The following SLC4A10 variants were observed in gnomAD, a reference collection of about 807,000 sequenced individuals.
SLC4A10 encodes the protein solute carrier family 4 member 10.
In SLC4A10, 42 loss-of-function variants were observed where a neutral mutation model predicts 137.7. The ratio of observed to expected loss-of-function variants is 0.30; its 90% confidence interval spans 0.24 to 0.39. SLC4A10 has a LOEUF of 0.39. Ranked by LOEUF, SLC4A10 falls within the 10% of genes least tolerant of loss-of-function variation. SLC4A10 has a pLI of 1.00. For synonymous variants in SLC4A10, 474 were observed against 464.1 expected, an observed-to-expected ratio of 1.02 and a Z score of -0.27; for missense variants, 925 against 1,355.0, an observed-to-expected ratio of 0.68 and a Z score of 4.98.
chr2:161,904,696 T>C, intron 13 of SLC4A10, 80 bp from the exon 14 acceptor site: 3 of 1,527,862 alleles, frequency 2.0e-6, no homozygotes, highest in Non-Finnish European at 2.7e-6. Flanking sequence ...CACATATCCA[T>C]GTATTTTAAA....
chr2:161,899,216 T>A (rs2063838947), intron 11 of SLC4A10, among the ~76,000 whole-genome samples: 1 of 152,096 alleles, frequency 6.6e-6, no homozygotes, highest in Admixed American at 6.6e-5. Flanking sequence ...TATCATCAAA[T>A]CTTTTTTTCT....
At chr2:161,871,130 G>T (rs551521880) in intron 6 of SLC4A10, among the ~76,000 whole-genome samples, 5 of 151,848 alleles carry the variant, frequency 3.3e-5, no homozygotes, top group African/African-American at 7.2e-5. Context: ...TTTCAGGAGA[G>T]AATTTAAGGG....
intron 1 of SLC4A10, among the ~76,000 whole-genome samples, chr2:161,761,723 A>T (rs2125362828): frequency 6.6e-6 from 1 of 152,230 alleles, no homozygotes; most frequent in East Asian, 1.9e-4. Flanking sequence ...AGGTCACAGC[A>T]ACCGTCAGAA....
At chr2:161,852,926 C>A (rs1189387848) in intron 4 of SLC4A10, among the ~76,000 whole-genome samples, 1 of 152,028 alleles carries the variant, frequency 6.6e-6, no homozygotes, top group Non-Finnish European at 1.5e-5. Context: ...GGTGGTTTAG[C>A]TGTATAGAAA....
At position 161,949,205 on chromosome 2, in the gene SLC4A10, A is replaced by C. The variant is rs770661028; in HGVS notation, c.2323A>C (p.Ile775Leu). Residue 775 changes from isoleucine (I) to leucine (L), a missense_variant, in exon 18 of 27, where the codon ATT (isoleucine) becomes CTT (leucine). Transcript: ENST00000446997. ...VFLTILCMVLIDYAIGIPSPK... is the reference protein window; with the variant it reads ...VFLTILCMVLLDYAIGIPSPK... ...TCTTACAATTCTGTGTATGGTTTTAATTGACTATGCCATTGGGATCCCATC... is the reference window on the plus strand; with the variant it reads ...TCTTACAATTCTGTGTATGGTTTTACTTGACTATGCCATTGGGATCCCATC... The C allele has an allele frequency of 1.2e-6, 2 of 1,611,672 alleles. No individual in the cohort carries two copies. Among genetic ancestry groups the C allele is most frequent in the Non-Finnish European group, 1.7e-6 (2 of 1,178,516 alleles).
chr2:161,946,842 T>C (rs1401985916), intron 16 of SLC4A10, among the ~76,000 whole-genome samples: 1 of 152,110 alleles, frequency 6.6e-6, no homozygotes, highest in African/African-American at 2.4e-5. Context: ...CTTGCTCATG[T>C]AGTAATTTTA....
rs146358085 is a variant in SLC4A10, at chr2:161,737,583, T to C, written c.49-33390T>C. ...CTTTTTAGAAGCTTTTCTACATCAA[T>C]AGGCATTCCTTCATGGGCCTAATTC... On this transcript the variant is annotated intron_variant, in intron 1 of 26. Coordinates refer to ENST00000446997, the MANE Select transcript of SLC4A10 (RefSeq NM_001178015.2). 1.1e-3 allele frequency among the ~76,000 whole-genome samples: 165 copies of C among 152,248 alleles called. 3 individuals carry two copies. The East Asian group carries it at 0.024, about 22-fold the overall frequency.
intron 15 of SLC4A10, among the ~76,000 whole-genome samples, chr2:161,922,698 A>G (rs917055644): frequency 6.6e-6 from 1 of 152,164 alleles, no homozygotes; most frequent in South Asian, 2.1e-4. Flanking sequence ...ACTATGAGAG[A>G]TACCTTTTTC....
chr2:161,629,037 T>G (rs754286837), intron 1 of SLC4A10, among the ~76,000 whole-genome samples: 1 of 151,920 alleles, frequency 6.6e-6, no homozygotes, highest in Non-Finnish European at 1.5e-5. Flanking sequence ...AAGTCTAAAC[T>G]GGGCATGAAT....
At chr2:161,887,547 T>C (rs1265752061) in intron 10 of SLC4A10, among the ~76,000 whole-genome samples, 1 of 152,218 alleles carries the variant, frequency 6.6e-6, no homozygotes, top group African/African-American at 2.4e-5. Context: ...GATTTGCATT[T>C]CTCTAATGAC....
At chr2:161,932,118 A>G (rs900453093) in intron 15 of SLC4A10, among the ~76,000 whole-genome samples, 1 of 152,160 alleles carries the variant, frequency 6.6e-6, no homozygotes, top group African/African-American at 2.4e-5. Context: ...TTTCTGAGAT[A>G]AAGTAACAGA....
At chr2:161,933,247 CTTTCTTCT>C (rs1477725103) in intron 15 of SLC4A10, among the ~76,000 whole-genome samples, 2 of 95,232 alleles carry the variant, frequency 2.1e-5, no homozygotes, top group African/African-American at 4.0e-5. Flanking sequence ...TTCTTTCTTT[CTTTCTTCT>C]TTCTTTCTCC....
intron 1 of SLC4A10, among the ~76,000 whole-genome samples, chr2:161,723,511 G>A (rs373632977): frequency 6.6e-6 from 1 of 152,110 alleles, no homozygotes; most frequent in South Asian, 2.1e-4. Context: ...AATAATATAC[G>A]CACAGTTCCT....
intron 10 of SLC4A10, among the ~76,000 whole-genome samples, chr2:161,889,919 G>A (rs1040439560): frequency 3.3e-5 from 5 of 152,126 alleles, no homozygotes. Flanking sequence ...TCTTCTGTGG[G>A]CATTTAGTGC....
chr2:161,923,226 G>A lies in SLC4A10; in HGVS notation c.1997+17339G>A, dbSNP rs1249362443. ...TAGAGCACTTGCTTTTCTGTGGGCA[G>A]TAAAGGGTACTAAAAGATGTATTTT... On this transcript the variant is annotated intron_variant, in intron 15 of 26. Coordinates refer to ENST00000446997, the MANE Select transcript of SLC4A10 (RefSeq NM_001178015.2). Among the ~76,000 whole-genome samples, 5 of 152,268 alleles carry A rather than the reference G, an allele frequency of 3.3e-5. No homozygotes were observed. The East Asian group carries it at 9.7e-4, about 29-fold the overall frequency.
chr2:161,808,617 G>A (rs956180974), intron 3 of SLC4A10, among the ~76,000 whole-genome samples: 1 of 151,996 alleles, frequency 6.6e-6, no homozygotes, highest in Non-Finnish European at 1.5e-5. Context: ...CCATCTTAAT[G>A]TACATAAGTA....
At chr2:161,746,400 T>C (rs1004711958) in intron 1 of SLC4A10, among the ~76,000 whole-genome samples, 7 of 151,994 alleles carry the variant, frequency 4.6e-5, no homozygotes, top group Non-Finnish European at 8.8e-5. Flanking sequence ...ACTGCACGAC[T>C]ACTGCTGATG....
At chr2:161,877,077 T>G (rs2061489104) in intron 8 of SLC4A10, among the ~76,000 whole-genome samples, 1 of 152,100 alleles carries the variant, frequency 6.6e-6, no homozygotes, top group African/African-American at 2.4e-5. Flanking sequence ...ACCATATATT[T>G]TCTTTTACAA....
intron 1 of SLC4A10, among the ~76,000 whole-genome samples, chr2:161,763,761 G>A (rs1189409354): frequency 6.6e-6 from 1 of 152,116 alleles, no homozygotes; most frequent in Non-Finnish European, 1.5e-5. Flanking sequence ...CAAAGAATCT[G>A]GTGATGTAGT....
Sources: gnomAD v4.1 joint callset for allele counts (sites outside exome capture counted in the v4.1 genomes callset) on GRCh38, gnomAD v4.1.1 for gene constraint, MANE v1.5 for transcripts, NCBI Gene and HGNC (gene_info 2026-07-23, HGNC 2026-07-21) for gene names.